Variants in UBAP1 observed in about 807,000 individuals in gnomAD.
UBAP1 encodes the protein ubiquitin associated protein 1.
A neutral mutation model predicts 39.0 loss-of-function variants in UBAP1; 5 were observed. The observed-to-expected ratio is 0.13, with a 90% CI of 0.07 to 0.27. UBAP1 has a LOEUF of 0.27. UBAP1 is among the 10% of genes least tolerant of loss of function. UBAP1 has a pLI of 1.00. For synonymous variants in UBAP1, 211 were observed against 225.1 expected, an observed-to-expected ratio of 0.94 and a Z score of 0.56; for missense variants, 490 against 608.1, an observed-to-expected ratio of 0.81 and a Z score of 2.04.
At chr9:34,238,489 G>A (rs533414543) in intron 3 of UBAP1, among the ~76,000 whole-genome samples, 37 of 152,304 alleles carry the variant, frequency 2.4e-4, no homozygotes, top group African/African-American at 7.9e-4. Flanking sequence ...CACTACAAGA[G>A]GGTACCAATT....
chr9:34,182,532 C>T (rs1830100310), intron 1 of UBAP1, among the ~76,000 whole-genome samples: 1 of 152,042 alleles, frequency 6.6e-6, no homozygotes, highest in Non-Finnish European at 1.5e-5. Flanking sequence ...TTATTTTCAG[C>T]ATTATAGTTG....
At chr9:34,232,826 A>T (rs1283604305) in intron 2 of UBAP1, among the ~76,000 whole-genome samples, 1 of 152,244 alleles carries the variant, frequency 6.6e-6, no homozygotes, top group Non-Finnish European at 1.5e-5. Context: ...CCAGCTGCCA[A>T]TGTTGAAAAA....
intron 1 of UBAP1, among the ~76,000 whole-genome samples, chr9:34,181,119 T>TC (rs1370838805): frequency 3.7e-4 from 41 of 111,760 alleles, no homozygotes; most frequent in Non-Finnish European, 5.4e-4. Flanking sequence ...CTGTTTTCTT[T>TC]TTTTTTTTTT....
At chr9:34,247,536 T>C (rs746265410) in intron 4 of UBAP1, among the ~76,000 whole-genome samples, 7 of 151,948 alleles carry the variant, frequency 4.6e-5, no homozygotes, top group Non-Finnish European at 8.8e-5. Flanking sequence ...GTGATCCTCC[T>C]ACCTCAGCCT....
chr9:34,195,499 G>A (rs1423197267), intron 1 of UBAP1, among the ~76,000 whole-genome samples: 1 of 151,912 alleles, frequency 6.6e-6, no homozygotes, highest in African/African-American at 2.4e-5. Flanking sequence ...CTTTATGCCA[G>A]TATCACACTA....
intron 1 of UBAP1, among the ~76,000 whole-genome samples, chr9:34,190,214 A>G (rs1215901490): frequency 6.6e-6 from 1 of 152,240 alleles, no homozygotes; most frequent in East Asian, 1.9e-4. Context: ...ATCTTAAACA[A>G]AAATCACGGA....
intron 1 of UBAP1, among the ~76,000 whole-genome samples, chr9:34,203,796 T>C (rs929437272): frequency 3.9e-5 from 6 of 152,168 alleles, no homozygotes; most frequent in Non-Finnish European, 1.5e-5. Context: ...TCCATCCTTA[T>C]ATTGTTTTTC....
At chr9:34,190,633 C>CTTTTTT (rs563281159) in intron 1 of UBAP1, among the ~76,000 whole-genome samples, 2 of 129,492 alleles carry the variant, frequency 1.5e-5, no homozygotes, top group East Asian at 2.3e-4. Context: ...TTCTTTCTTT[C>CTTTTTT]TTTTTTTTTT....
chr9:34,179,636 C>T (rs897500202), intron 1 of UBAP1, among the ~76,000 whole-genome samples: 6 of 151,790 alleles, frequency 4.0e-5, no homozygotes, highest in Non-Finnish European at 5.9e-5. Flanking sequence ...GAGCTGGGGA[C>T]GTGCGGTGTA....
intron 3 of UBAP1, among the ~76,000 whole-genome samples, chr9:34,240,236 A>C (rs1177285880): frequency 6.6e-6 from 1 of 152,176 alleles, no homozygotes; most frequent in Non-Finnish European, 1.5e-5. Flanking sequence ...CAGGATGTAA[A>C]GTAACTTCTT....
intron 1 of UBAP1, among the ~76,000 whole-genome samples, chr9:34,188,754 C>T (rs1265934835): frequency 2.6e-5 from 4 of 151,846 alleles, no homozygotes; most frequent in Admixed American, 1.3e-4. Flanking sequence ...GTCAGGAGTT[C>T]GAGACCAGCC....
chr9:34,236,069 A>G (rs1339340924), intron 3 of UBAP1, among the ~76,000 whole-genome samples: 1 of 151,938 alleles, frequency 6.6e-6, no homozygotes, highest in African/African-American at 2.4e-5. Flanking sequence ...CATGTTAGTC[A>G]GGCTGGTCTC....
rs149531920 is a variant in UBAP1 at position 34,206,939 on chromosome 9, G to A, written c.-7-13969G>A. 1.9e-4 allele frequency among the ~76,000 whole-genome samples: 29 copies of A among 151,870 alleles called. No individual in the cohort carries two copies. The East Asian group carries it at 3.7e-3, about 19-fold the overall frequency. ...CACTAATCTGTATTTGTACCAGTACGACACAGCTTTCAGTATTGTATCTTC... is the reference window on the plus strand; with the variant it reads ...CACTAATCTGTATTTGTACCAGTACAACACAGCTTTCAGTATTGTATCTTC... On this transcript the variant is annotated intron_variant, in intron 1 of 6. Transcript: ENST00000297661.
At chr9:34,225,829 T>C (rs1287027474) in intron 2 of UBAP1, among the ~76,000 whole-genome samples, 3 of 151,490 alleles carry the variant, frequency 2.0e-5, no homozygotes, top group African/African-American at 7.3e-5. Context: ...CCTCTTTCAC[T>C]GATTCTTATT....
chr9:34,249,241 T>C (rs1187862539), intron 4 of UBAP1, among the ~76,000 whole-genome samples: 1 of 152,096 alleles, frequency 6.6e-6, no homozygotes, highest in Non-Finnish European at 1.5e-5. Flanking sequence ...GTTCCTGAGC[T>C]GTCCAGGTTC....
intron 1 of UBAP1, among the ~76,000 whole-genome samples, chr9:34,185,888 CTT>C (rs1201300802): frequency 4.6e-5 from 7 of 152,200 alleles, no homozygotes; most frequent in Middle Eastern, 3.4e-3. Flanking sequence ...AGTTCTCACA[CTT>C]GAATTAGGTA....
intron 1 of UBAP1, among the ~76,000 whole-genome samples, chr9:34,206,699 G>C (rs1482906487): frequency 6.6e-6 from 1 of 152,114 alleles, no homozygotes; most frequent in African/African-American, 2.4e-5. Flanking sequence ...TATGTGTAGA[G>C]TGAAAATAGT....
chr9:34,203,413 G>A (rs1831510588), intron 1 of UBAP1, among the ~76,000 whole-genome samples: 1 of 152,070 alleles, frequency 6.6e-6, no homozygotes, highest in Admixed American at 6.6e-5. Flanking sequence ...GATCTCATAC[G>A]AGAACTTGGA....
At chr9:34,226,658 A>G (rs1210057316) in intron 2 of UBAP1, among the ~76,000 whole-genome samples, 1 of 152,150 alleles carries the variant, frequency 6.6e-6, no homozygotes, top group Non-Finnish European at 1.5e-5. Flanking sequence ...ATAGTGAGCT[A>G]TGATCACATA....
Sources: allele counts gnomAD v4.1 joint callset (sites outside exome capture counted in the v4.1 genomes callset), GRCh38; gene constraint gnomAD v4.1.1; transcripts MANE v1.5; gene names NCBI Gene and HGNC (gene_info 2026-07-23, HGNC 2026-07-21).